The following GTF2F2 variants were observed in gnomAD, a reference collection of about 807,000 sequenced individuals.
GTF2F2 encodes general transcription factor IIF subunit 2, also known as ATP-dependent helicase GTF2F2.
GTF2F2 carries 23 observed loss-of-function variants against 42.2 expected under a neutral mutation model. That is an observed-to-expected ratio of 0.55 (90% CI 0.39 to 0.77). The LOEUF is 0.77. GTF2F2 is among the 30% of genes least tolerant of loss of function. The probability of loss-of-function intolerance (pLI) is 0.00; values close to 1 mark genes in which losing one functional copy is unlikely to be tolerated. For synonymous variants in GTF2F2, 105 were observed against 100.8 expected, an observed-to-expected ratio of 1.04 and a Z score of -0.25; for missense variants, 261 against 287.2, an observed-to-expected ratio of 0.91 and a Z score of 0.66.
chr13:45,188,115 G>A (rs778106711), intron 4 of GTF2F2, among the ~76,000 whole-genome samples: 14 of 152,030 alleles, frequency 9.2e-5, no homozygotes, highest in African/African-American at 2.9e-4. Context: ...CATGTTGGTC[G>A]TGCTGGTCTT....
chr13:45,255,501 A>G (rs1200783431), intron 6 of GTF2F2, among the ~76,000 whole-genome samples: 1 of 152,232 alleles, frequency 6.6e-6, no homozygotes, highest in Non-Finnish European at 1.5e-5. Context: ...GTTATGCTTT[A>G]GGAGGAAAAT....
intron 4 of GTF2F2, among the ~76,000 whole-genome samples, chr13:45,201,246 G>A (rs1334110358): frequency 6.6e-6 from 1 of 152,180 alleles, no homozygotes; most frequent in African/African-American, 2.4e-5. Context: ...CAGATATAGG[G>A]CAGGATAATC....
chr13:45,223,453 G>T (rs1000336988), intron 5 of GTF2F2, among the ~76,000 whole-genome samples: 1 of 151,990 alleles, frequency 6.6e-6, no homozygotes, highest in Non-Finnish European at 1.5e-5. Flanking sequence ...TGGAGGGAGT[G>T]GGGGTGGTGA....
chr13:45,194,707 C>G (rs1306619378), intron 4 of GTF2F2: 1 of 747,640 alleles, frequency 1.3e-6, no homozygotes, highest in Non-Finnish European at 2.2e-6. Flanking sequence ...GCGCTGTCAG[C>G]TCGGTTTTGC....
chr13:45,259,610 G>C (rs796430341), intron 6 of GTF2F2, among the ~76,000 whole-genome samples: 26 of 149,432 alleles, frequency 1.7e-4, no homozygotes, highest in African/African-American at 6.4e-4. Context: ...TTCAGTAATG[G>C]TACTTAGAAG....
intron 1 of GTF2F2, 46 bp from the exon 2 acceptor site, chr13:45,136,687 A>C: frequency 1.0e-6 from 1 of 960,666 alleles, no homozygotes; most frequent in South Asian, 1.4e-5. Context: ...GTTTGAAAAG[A>C]TGTTAGCATC....
intron 2 of GTF2F2, among the ~76,000 whole-genome samples, chr13:45,138,985 G>C (rs1232310621): frequency 6.6e-6 from 1 of 152,140 alleles, no homozygotes; most frequent in Non-Finnish European, 1.5e-5. Context: ...ATTCCAAAGA[G>C]CCCATCATTA....
chr13:45,146,720 G>A (rs947113587), intron 2 of GTF2F2, among the ~76,000 whole-genome samples: 7 of 152,126 alleles, frequency 4.6e-5, no homozygotes, highest in Non-Finnish European at 1.0e-4. Context: ...AAGTAGCTGT[G>A]GGGTATTGAG....
At chr13:45,155,361 C>A (rs111304610) in intron 4 of GTF2F2, among the ~76,000 whole-genome samples, 1,911 of 152,158 alleles carry the variant, frequency 0.013, 39 homozygotes, top group African/African-American at 0.04. Flanking sequence ...CTCTTTGTTT[C>A]TTTTTATTAG....
Position 45,128,466 on chromosome 13 carries a change from G to A in GTF2F2, c.66+7745G>A, listed in dbSNP as rs541345542. 3.6e-4 allele frequency among the ~76,000 whole-genome samples: 54 copies of A among 150,922 alleles called. 1 individual carries two copies. The highest frequency in any genetic ancestry group is 3.4e-3 in the Middle Eastern group (1 of 292). Reference sequence around the variant, plus strand: ...CGGGCGTCTATAATCCCAACTACTCGGGAGGCTGAGGCAAGAGAATCACTT... The same window carrying A: ...CGGGCGTCTATAATCCCAACTACTCAGGAGGCTGAGGCAAGAGAATCACTT... On this transcript the variant is annotated intron_variant, in intron 1 of 7. Coordinates refer to ENST00000340473, the MANE Select transcript of GTF2F2 (RefSeq NM_004128.3).
chr13:45,262,071 CA>C (rs201205731), intron 6 of GTF2F2, among the ~76,000 whole-genome samples: 12 of 148,118 alleles, frequency 8.1e-5, no homozygotes, highest in Non-Finnish European at 1.2e-4. Context: ...TAGACATTAT[CA>C]AAAAAAAAAA....
At chr13:45,219,075 C>T (rs1287555690) in intron 5 of GTF2F2, among the ~76,000 whole-genome samples, 1 of 151,660 alleles carries the variant, frequency 6.6e-6, no homozygotes, top group African/African-American at 2.4e-5. Context: ...AAATGACTTT[C>T]AGCTAGAATG....
chr13:45,141,807 T>C (rs1566112247), intron 2 of GTF2F2, among the ~76,000 whole-genome samples: 1 of 152,164 alleles, frequency 6.6e-6, no homozygotes, highest in Non-Finnish European at 1.5e-5. Flanking sequence ...CAGATTACTC[T>C]CCATACAAAT....
intron 2 of GTF2F2, among the ~76,000 whole-genome samples, chr13:45,140,036 ATTTG>A (rs1224456462): frequency 6.6e-6 from 1 of 151,826 alleles, no homozygotes; most frequent in Admixed American, 6.6e-5. Context: ...AGTTGTTACT[ATTTG>A]TTTTTCTCTT....
chr13:45,147,909 A>T (rs1348299839), intron 2 of GTF2F2, among the ~76,000 whole-genome samples: 1 of 152,196 alleles, frequency 6.6e-6, no homozygotes, highest in African/African-American at 2.4e-5. Context: ...TTTCCATGAC[A>T]GGTACATTTA....
chr13:45,223,769 T>G (rs1024740576), intron 5 of GTF2F2, among the ~76,000 whole-genome samples: 6 of 152,192 alleles, frequency 3.9e-5, no homozygotes, highest in African/African-American at 1.4e-4. Context: ...CCTTCAAATA[T>G]ATAAAATAAG....
chr13:45,258,544 C>T (rs1426307148), intron 6 of GTF2F2, among the ~76,000 whole-genome samples: 1 of 152,150 alleles, frequency 6.6e-6, no homozygotes. Context: ...GGCAAAGTGG[C>T]CCTTGACCTT....
At chr13:45,272,687 G>A (rs1166094460) in intron 7 of GTF2F2, among the ~76,000 whole-genome samples, 1 of 150,782 alleles carries the variant, frequency 6.6e-6, no homozygotes, top group East Asian at 2.0e-4. Context: ...GGAGGTTGCA[G>A]TAAGCCAAGA....
intron 7 of GTF2F2, 48 bp downstream of exon 7, chr13:45,267,424 A>G (rs944034196): frequency 6.4e-6 from 8 of 1,248,472 alleles, no homozygotes; most frequent in Non-Finnish European, 6.8e-6. Context: ...TCCTTCATTA[A>G]CACGACATTA....
Sources: allele counts gnomAD v4.1 joint callset (sites outside exome capture counted in the v4.1 genomes callset), GRCh38; gene constraint gnomAD v4.1.1; transcripts MANE v1.5; gene names NCBI Gene and HGNC (gene_info 2026-07-23, HGNC 2026-07-21).